SLC10A1: variants seen among roughly 807,000 people sequenced by gnomAD.
The protein encoded by SLC10A1 is solute carrier family 10 member 1, also known as hepatic sodium/bile acid cotransporter.
A neutral mutation model predicts 20.5 loss-of-function variants in SLC10A1; 36 were observed. The ratio of observed to expected loss-of-function variants is 1.75; its 90% CI spans 1.34 to 2.32. SLC10A1 has a LOEUF of 2.32. SLC10A1 is among the 30% of genes most tolerant of loss of function. The pLI is 0.00. For synonymous variants in SLC10A1, 188 were observed against 163.6 expected, an observed-to-expected ratio of 1.15 and a Z score of -1.14; for missense variants, 545 against 439.1, an observed-to-expected ratio of 1.24 and a Z score of -2.16.
chr14:69,786,223 A>G lies in SLC10A1; in HGVS notation c.441T>C (p.Asp147=), dbSNP rs199795138. ...LLYIYSRGIY[D]GDLKDKVPYK... The stretch of plus-strand genomic sequence containing the variant: ...AGGGCACCTTGTCCTTCAGGTCCCC[A>G]TCATAGATCCCCCTGGAGTAGATGT... The change falls in exon 2 of 5, where the codon GAT becomes GAC. Residue 147 remains aspartate, a synonymous_variant. Coordinates refer to ENST00000216540, the MANE Select transcript of SLC10A1 (RefSeq NM_003049.4). The G allele has an allele frequency of 5.6e-6, 9 of 1,614,104 alleles. No homozygotes were observed. Among genetic ancestry groups the G allele is most frequent in the Non-Finnish European group, 6.8e-6 (8 of 1,179,990 alleles).
chr14:69,778,470 A>T lies in SLC10A1; in HGVS notation c.806T>A (p.Ile269Asn), dbSNP rs201672997. 25 of 1,613,738 alleles carry T rather than the reference A, an allele frequency of 1.5e-5. No individual in the cohort carries two copies. The highest frequency in any genetic ancestry group is 2.1e-5 in the Non-Finnish European group (25 of 1,179,922). Residue 269 changes from isoleucine (I) to asparagine (N), a missense_variant, in exon 4 of 5, where the codon ATC (isoleucine) becomes AAC (asparagine). Transcript: ENST00000216540. Reference sequence around the variant, plus strand: ...TTCAGGTGGAAAGGCCACATTGAGGATGGTGGAACAGAGTTGGACATTTTG... The same window carrying T: ...TTCAGGTGGAAAGGCCACATTGAGGTTGGTGGAACAGAGTTGGACATTTTG... Reference protein sequence around the residue: ...GCQNVQLCSTILNVAFPPEVI... With the variant: ...GCQNVQLCSTNLNVAFPPEVI...
chr14:69,794,376 C>G (rs1473965498), intron 1 of SLC10A1, among the ~76,000 whole-genome samples: 1 of 152,146 alleles, frequency 6.6e-6, no homozygotes, highest in Non-Finnish European at 1.5e-5. Context: ...TGTGGAAATG[C>G]TGACCTGGAA....
intron 4 of SLC10A1, among the ~76,000 whole-genome samples, chr14:69,777,566 T>C (rs536258417): frequency 1.6e-4 from 24 of 148,532 alleles, no homozygotes; most frequent in South Asian, 6.4e-4. Flanking sequence ...ATAAAGTGGG[T>C]TTGAATGTCC....
chr14:69,795,785 G>A (rs1051450115), intron 1 of SLC10A1, among the ~76,000 whole-genome samples: 1 of 152,024 alleles, frequency 6.6e-6, no homozygotes, highest in African/African-American at 2.4e-5. Flanking sequence ...TCTTGACTGG[G>A]TTAGTTTTCC....
At position 69,796,264 on chromosome 14, in the gene SLC10A1, C is replaced by A. The variant is rs114302647; in HGVS notation, c.356+536G>T. The stretch of plus-strand genomic sequence containing the variant: ...CCTTTGCATGGAAATGTCATTGCAT[C>A]TGATGGGGAATGAGGGACTTTAAAG... On this transcript the variant is annotated intron_variant, in intron 1 of 4. Transcript: ENST00000216540. 9.1e-4 allele frequency among the ~76,000 whole-genome samples: 139 copies of A among 152,264 alleles called. 1 individual carries two copies. Among genetic ancestry groups the A allele is most frequent in the African/African-American group, 3.2e-3 (134 of 41,546 alleles).
At chr14:69,777,404 G>C (rs1883469947) in intron 4 of SLC10A1, among the ~76,000 whole-genome samples, 1 of 152,136 alleles carries the variant, frequency 6.6e-6, no homozygotes, top group East Asian at 1.9e-4. Context: ...AGGGAAAGTT[G>C]TGTATTTCTC....
At chr14:69,780,386 T>TA (rs71742207) in intron 2 of SLC10A1, among the ~76,000 whole-genome samples, 4 of 151,836 alleles carry the variant, frequency 2.6e-5, no homozygotes, top group African/African-American at 9.7e-5. Context: ...AAGAAATACT[T>TA]AACTTTTCTC....
At chr14:69,782,243 T>C (rs1259891221) in intron 2 of SLC10A1, among the ~76,000 whole-genome samples, 1 of 152,086 alleles carries the variant, frequency 6.6e-6, no homozygotes, top group African/African-American at 2.4e-5. Context: ...CATGCCTGGG[T>C]TTTTTAGATT....
intron 1 of SLC10A1, among the ~76,000 whole-genome samples, chr14:69,794,153 C>T (rs1236242485): frequency 6.6e-6 from 1 of 152,162 alleles, no homozygotes; most frequent in Non-Finnish European, 1.5e-5. Context: ...GAGTATTGTG[C>T]TTATCTCAAA....
At chr14:69,794,126 G>C (rs1882339560) in intron 1 of SLC10A1, among the ~76,000 whole-genome samples, 1 of 152,194 alleles carries the variant, frequency 6.6e-6, no homozygotes, top group South Asian at 2.1e-4. Flanking sequence ...ATTCCTTCCA[G>C]TTCTAAATGG....
chr14:69,791,265 C>T (rs534278417), intron 1 of SLC10A1, among the ~76,000 whole-genome samples: 4 of 151,462 alleles, frequency 2.6e-5, no homozygotes, highest in Non-Finnish European at 5.9e-5. Flanking sequence ...GATACTGAAA[C>T]TCAAGTGAAA....
intron 4 of SLC10A1, among the ~76,000 whole-genome samples, chr14:69,777,715 C>A (rs868482336): frequency 1.3e-4 from 19 of 148,980 alleles, no homozygotes; most frequent in African/African-American, 4.7e-4. Flanking sequence ...AGAAGAGATG[C>A]TATGTTAACC....
chr14:69,777,641 T>G, intron 4 of SLC10A1, among the ~76,000 whole-genome samples: 1 of 101,026 alleles, frequency 9.9e-6, no homozygotes, highest in Non-Finnish European at 2.4e-5. Flanking sequence ...AGGAAGGCAC[T>G]CTGTTCTCTG....
At chr14:69,785,500 T>C (rs1465684157) in intron 2 of SLC10A1, among the ~76,000 whole-genome samples, 1 of 152,198 alleles carries the variant, frequency 6.6e-6, no homozygotes, top group East Asian at 1.9e-4. Flanking sequence ...CAGCCCTCAC[T>C]GTTCCCATCT....
intron 1 of SLC10A1, among the ~76,000 whole-genome samples, chr14:69,791,722 G>C (rs1883845204): frequency 6.6e-6 from 1 of 152,146 alleles, no homozygotes; most frequent in Non-Finnish European, 1.5e-5. Context: ...AGAGAAGAGA[G>C]ATCCAGACAC....
chr14:69,780,883 A>G (rs1236154084), intron 2 of SLC10A1, among the ~76,000 whole-genome samples: 2 of 152,184 alleles, frequency 1.3e-5, no homozygotes, highest in Non-Finnish European at 2.9e-5. Context: ...TTTAATCTCT[A>G]TCAAGAGTGG....
chr14:69,777,350 G>C (rs1883468824), intron 4 of SLC10A1, among the ~76,000 whole-genome samples: 1 of 152,104 alleles, frequency 6.6e-6, no homozygotes, highest in Non-Finnish European at 1.5e-5. Context: ...CAAAGGGAGA[G>C]AGAATCGGCA....
intron 4 of SLC10A1, 123 bp from the exon 5 acceptor site, chr14:69,776,511 T>C: frequency 5.7e-6 from 4 of 707,312 alleles, no homozygotes; most frequent in Non-Finnish European, 9.5e-6. Context: ...GTATATATTT[T>C]CCATCTCTGT....
At chr14:69,791,764 C>G (rs541808429) in intron 1 of SLC10A1, among the ~76,000 whole-genome samples, 9 of 152,266 alleles carry the variant, frequency 5.9e-5, no homozygotes, top group Middle Eastern at 3.4e-3. Context: ...GATGTCATTA[C>G]AAATACCTGG....
Sources: allele counts gnomAD v4.1 joint callset (sites outside exome capture counted in the v4.1 genomes callset), GRCh38; gene constraint gnomAD v4.1.1; transcripts MANE v1.5; gene names NCBI Gene and HGNC (gene_info 2026-07-23, HGNC 2026-07-21).